TBCA: variants seen among roughly 807,000 people sequenced by gnomAD.
TBCA encodes tubulin-specific chaperone A.
TBCA carries 6 observed loss-of-function variants against 15.8 expected under a neutral mutation model. That is an observed-to-expected ratio of 0.38 (90% confidence interval 0.21 to 0.75). The LOEUF (loss-of-function observed/expected upper bound fraction) is 0.75, where lower values mean the gene tolerates loss of function less well. Among genes scored for constraint, TBCA ranks in the 30% least tolerant of loss-of-function variants. The pLI is 0.46. For synonymous variants in TBCA, 32 were observed against 42.3 expected (o/e 0.76, Z 0.94); for missense variants, 90 against 131.2 (o/e 0.69, Z 1.53).
At chr5:77,764,992 T>A (rs1422709625) in intron 1 of TBCA, among the ~76,000 whole-genome samples, 2 of 152,086 alleles carry the variant, frequency 1.3e-5, no homozygotes, top group Non-Finnish European at 2.9e-5. Context: ...AGAAAAATTT[T>A]AAATATATTT....
chr5:77,696,055 T>C (rs528010165), intron 2 of TBCA, among the ~76,000 whole-genome samples: 2 of 152,206 alleles, frequency 1.3e-5, no homozygotes, highest in Non-Finnish European at 2.9e-5. Context: ...TGGCAGATCT[T>C]CATTTTTGTC....
chr5:77,762,032 T>C (rs1188294414), intron 1 of TBCA, among the ~76,000 whole-genome samples: 1 of 152,212 alleles, frequency 6.6e-6, no homozygotes, highest in African/African-American at 2.4e-5. Context: ...ATAAGTCTAA[T>C]AGGCCCCCAC....
chr5:77,711,636 A>G (rs1432809405), intron 1 of TBCA, among the ~76,000 whole-genome samples: 2 of 152,214 alleles, frequency 1.3e-5, no homozygotes, highest in African/African-American at 4.8e-5. Flanking sequence ...AAAAAAAGTG[A>G]TTCACAAAAA....
intron 1 of TBCA, among the ~76,000 whole-genome samples, chr5:77,754,156 C>T (rs944409931): frequency 1.3e-5 from 2 of 152,176 alleles, no homozygotes; most frequent in Non-Finnish European, 2.9e-5. Flanking sequence ...GAATATTTCT[C>T]TTTCTTGAAG....
At chr5:77,763,569 A>G (rs1194386271) in intron 1 of TBCA, among the ~76,000 whole-genome samples, 1 of 152,158 alleles carries the variant, frequency 6.6e-6, no homozygotes, top group Non-Finnish European at 1.5e-5. Flanking sequence ...AGGTAATGAA[A>G]TCAAGAGGGT....
intron 1 of TBCA, among the ~76,000 whole-genome samples, chr5:77,761,042 C>T (rs1233614682): frequency 1.3e-5 from 2 of 151,966 alleles, no homozygotes; most frequent in African/African-American, 4.8e-5. Flanking sequence ...GCTGCCGCCC[C>T]GTCTGGGAAG....
chr5:77,691,637 T>G, intron 3 of TBCA, 139 bp from the exon 4 acceptor site: 1 of 1,402,130 alleles, frequency 7.1e-7, no homozygotes. Flanking sequence ...CTAAATATAT[T>G]GTAATTCCAC....
intron 1 of TBCA, among the ~76,000 whole-genome samples, chr5:77,756,408 G>A (rs458403): frequency 0.44 from 66,847 of 152,002 alleles, 14,886 homozygotes; most frequent in East Asian, 0.53. Context: ...CGGTCACTCA[G>A]AGGCACCTTC....
At chr5:77,721,774 C>T (rs1390593363) in intron 1 of TBCA, among the ~76,000 whole-genome samples, 5 of 152,036 alleles carry the variant, frequency 3.3e-5, no homozygotes, top group African/African-American at 9.7e-5. Context: ...TTGTCTAAGT[C>T]ACCTTATTTA....
chr5:77,698,717 A>G (rs566308013), intron 2 of TBCA, among the ~76,000 whole-genome samples: 64 of 152,196 alleles, frequency 4.2e-4, no homozygotes, highest in Non-Finnish European at 8.5e-4. Flanking sequence ...CCACACAAAG[A>G]CAGCACAAAA....
chr5:77,721,319 A>G (rs962686225), intron 1 of TBCA, among the ~76,000 whole-genome samples: 4 of 152,164 alleles, frequency 2.6e-5, no homozygotes, highest in Non-Finnish European at 5.9e-5. Context: ...ATACAGAGGC[A>G]CTTTGATATG....
chr5:77,737,247 T>C (rs766329019), intron 1 of TBCA, among the ~76,000 whole-genome samples: 1 of 152,170 alleles, frequency 6.6e-6, no homozygotes, highest in Non-Finnish European at 1.5e-5. Context: ...ACTGAAATTA[T>C]GAACCAAAGC....
intron 2 of TBCA, among the ~76,000 whole-genome samples, chr5:77,693,799 CAAAAAAAAAAAA>C (rs70991303): frequency 1.3e-5 from 1 of 77,936 alleles, no homozygotes; most frequent in African/African-American, 4.4e-5. Context: ...AACTCCATCT[CAAAAAAAAAAAA>C]AAAAAAAAAA....
chr5:77,757,965 G>A (rs1205900840), intron 1 of TBCA, among the ~76,000 whole-genome samples: 1 of 152,134 alleles, frequency 6.6e-6, no homozygotes, highest in Non-Finnish European at 1.5e-5. Context: ...TGCCTCCTCA[G>A]AAGAAAGAAT....
intron 1 of TBCA, among the ~76,000 whole-genome samples, chr5:77,718,893 A>G (rs188637834): frequency 8.3e-4 from 127 of 152,304 alleles, no homozygotes; most frequent in Non-Finnish European, 1.6e-3. Flanking sequence ...CCTGTCTTCC[A>G]GGAGGACCAC....
chr5:77,700,221 CAAAAAT>C (rs1203569333), intron 2 of TBCA, among the ~76,000 whole-genome samples: 1 of 151,716 alleles, frequency 6.6e-6, no homozygotes, highest in African/African-American at 2.4e-5. Flanking sequence ...AAAACAAAAA[CAAAAAT>C]CCCTGTTTCC....
chr5:77,748,572 G>A (rs1222411901), intron 1 of TBCA, among the ~76,000 whole-genome samples: 2 of 151,126 alleles, frequency 1.3e-5, no homozygotes, highest in Admixed American at 6.6e-5. Flanking sequence ...GGCCTAATTT[G>A]TTCTTATCTT....
chr5:77,767,685 A>G (rs1420851020), intron 1 of TBCA, among the ~76,000 whole-genome samples: 2 of 152,242 alleles, frequency 1.3e-5, no homozygotes, highest in Admixed American at 1.3e-4. Context: ...CTCCACAGAC[A>G]ATCAGTGAAC....
intron 1 of TBCA, among the ~76,000 whole-genome samples, chr5:77,761,035 G>A (rs1446704237): frequency 3.3e-5 from 5 of 150,798 alleles, no homozygotes; most frequent in Admixed American, 2.6e-4. Flanking sequence ...CTGCCCGGCT[G>A]CCGCCCCGTC....
Sources: allele counts gnomAD v4.1 joint callset (sites outside exome capture counted in the v4.1 genomes callset), GRCh38; gene constraint gnomAD v4.1.1; transcripts MANE v1.5; gene names NCBI Gene and HGNC (gene_info 2026-07-23, HGNC 2026-07-21).